Variants in GRIA4 observed in about 807,000 individuals in gnomAD.
GRIA4 encodes the protein glutamate ionotropic receptor AMPA type subunit 4.
In GRIA4, 34 loss-of-function variants were observed where a neutral mutation model predicts 104.0. The observed-to-expected ratio is 0.33, with a 90% CI of 0.25 to 0.44. The LOEUF is 0.44. Among genes scored for constraint, GRIA4 ranks in the 20% least tolerant of loss-of-function variants. The probability of loss-of-function intolerance (pLI) is 1.00; values close to 1 mark genes in which losing one functional copy is unlikely to be tolerated. For synonymous variants in GRIA4, 386 were observed against 381.9 expected (o/e 1.01, Z -0.13); for missense variants, 750 against 1,096.5 (o/e 0.68, Z 4.46).
intron 6 of GRIA4, 43 bp from the exon 7 acceptor site, chr11:105,898,226 A>G (rs1946725659): frequency 9.8e-7 from 1 of 1,024,612 alleles, no homozygotes; most frequent in Non-Finnish European, 1.5e-6. Context: ...GCTGCCATGT[A>G]TAATAAACTA....
intron 14 of GRIA4, among the ~76,000 whole-genome samples, chr11:105,936,069 T>C (rs1177564378): frequency 6.6e-6 from 1 of 152,140 alleles, no homozygotes; most frequent in African/African-American, 2.4e-5. Flanking sequence ...GTCCTGCCTT[T>C]GAGAACACTG....
At chr11:105,684,358 C>A (rs1224281265) in intron 3 of GRIA4, among the ~76,000 whole-genome samples, 1 of 151,874 alleles carries the variant, frequency 6.6e-6, no homozygotes, top group Non-Finnish European at 1.5e-5. Flanking sequence ...GTATCAGTAA[C>A]AACTATATGT....
rs546283960 is a variant in GRIA4 at position 105,786,124 on chromosome 11, G to A, written c.487+32904G>A. Reference sequence around the variant, plus strand: ...CGAGCCACTACATTCCAGCCTGGGCGACACAGTGAGACCCTTTCTCAAAAA... The same window carrying A: ...CGAGCCACTACATTCCAGCCTGGGCAACACAGTGAGACCCTTTCTCAAAAA... On this transcript the variant is annotated intron_variant, in intron 4 of 16. Coordinates refer to ENST00000282499, the MANE Select transcript of GRIA4 (RefSeq NM_000829.4). Among the ~76,000 whole-genome samples, 49 of 118,892 alleles carry A rather than the reference G, an allele frequency of 4.1e-4. No individual in the cohort carries two copies. The South Asian group carries it at 0.011, about 26-fold the overall frequency. The allele number at this position is 118,892 out of a possible 152,430, so 78.0% of individuals were successfully genotyped here.
chr11:105,815,492 C>A (rs1943338734), intron 4 of GRIA4, among the ~76,000 whole-genome samples: 1 of 152,170 alleles, frequency 6.6e-6, no homozygotes, highest in Admixed American at 6.6e-5. Flanking sequence ...TGTCCTCTCA[C>A]CTGACACCCG....
At chr11:105,971,741 C>T (rs973434493) in intron 14 of GRIA4, among the ~76,000 whole-genome samples, 173 bp from the exon 15 acceptor site, 39 of 152,110 alleles carry the variant, frequency 2.6e-4, no homozygotes, top group Admixed American at 2.4e-3. Flanking sequence ...TTACCTAAAG[C>T]GATGGAGCAG....
intron 6 of GRIA4, among the ~76,000 whole-genome samples, chr11:105,893,297 G>A (rs1240176698): frequency 6.6e-6 from 1 of 151,788 alleles, no homozygotes; most frequent in Non-Finnish European, 1.5e-5. Context: ...TGTATTCTTT[G>A]GATAAAAATT....
In GRIA4 at chr11:105,611,235, A is replaced by G. The variant is rs866005406; in HGVS notation, c.88+150A>G. 5.6e-5 allele frequency: 38 copies of G among 674,410 alleles called. No homozygotes were observed. In the Middle Eastern group the frequency reaches 1.5e-3, roughly 27 times the overall value. The allele number at this position is 674,410 out of a possible 1,614,324, so 41.8% of individuals were successfully genotyped here. On this transcript the variant is annotated intron_variant, in intron 2 of 16. Transcript: ENST00000282499. ...TCCTCTTCCTTTCTCTCCTTTGCAA[A>G]AAGACTTCCTCTTTAGTGCAGGTTC...
chr11:105,900,561 C>A (rs1946817152), intron 7 of GRIA4, among the ~76,000 whole-genome samples: 1 of 152,108 alleles, frequency 6.6e-6, no homozygotes, highest in African/African-American at 2.4e-5. Flanking sequence ...TCTATGAAAT[C>A]TTTTCTTTTT....
chr11:105,757,285 C>T (rs142366889), intron 4 of GRIA4, among the ~76,000 whole-genome samples: 78 of 152,148 alleles, frequency 5.1e-4, no homozygotes, highest in African/African-American at 1.8e-3. Flanking sequence ...CAAAGGGAGG[C>T]GTGTGCCTAT....
chr11:105,816,026 C>T (rs1005373514), intron 4 of GRIA4, among the ~76,000 whole-genome samples: 2 of 152,054 alleles, frequency 1.3e-5, no homozygotes, highest in African/African-American at 4.8e-5. Flanking sequence ...TCTGCATGCA[C>T]GTGAGATAGC....
At chr11:105,634,529 A>AAAGAAAGAAAGAAAGAAAAG (rs1565420297) in intron 3 of GRIA4, among the ~76,000 whole-genome samples, 1 of 90,182 alleles carries the variant, frequency 1.1e-5, no homozygotes, top group Non-Finnish European at 2.6e-5. Flanking sequence ...AGAAAGAAAG[A>AAAGAAAGAAAGAAAGAAAAG]AAAGAAAGAA....
chr11:105,752,886 T>C, intron 3 of GRIA4, 95 bp from the exon 4 acceptor site: 1 of 1,145,944 alleles, frequency 8.7e-7, no homozygotes, highest in Non-Finnish European at 1.3e-6. Context: ...AATGATTCAG[T>C]GATTTTTATT....
intron 16 of GRIA4, among the ~76,000 whole-genome samples, chr11:105,975,086 C>T (rs1473706729): frequency 6.6e-6 from 1 of 152,158 alleles, no homozygotes; most frequent in East Asian, 1.9e-4. Context: ...CATTAGCCAT[C>T]ATTCTACATT....
At position 105,738,936 on chromosome 11, in the gene GRIA4, A is replaced by C. The variant is rs530556749; in HGVS notation, c.248-14045A>C. Reference sequence around the variant, plus strand: ...GTTGACAAGTAAAAAAAAACAAAAAAAAAAAAAACAAAAAAAACCCAAAAA... The same window carrying C: ...GTTGACAAGTAAAAAAAAACAAAAACAAAAAAAACAAAAAAAACCCAAAAA... On this transcript the variant is annotated intron_variant, in intron 3 of 16. Transcript: ENST00000282499. 6.7e-4 allele frequency among the ~76,000 whole-genome samples: 76 copies of C among 112,986 alleles called. 1 individual carries two copies. The highest frequency in any genetic ancestry group is 1.8e-3 in the Admixed American group (17 of 9,438). 74.1% of individuals were successfully genotyped at this position (112,986 alleles called of 152,430 possible).
At chr11:105,785,195 C>A (rs993523335) in intron 4 of GRIA4, among the ~76,000 whole-genome samples, 1 of 152,084 alleles carries the variant, frequency 6.6e-6, no homozygotes, top group Non-Finnish European at 1.5e-5. Context: ...ATAAACTAGT[C>A]TCTCTGAACT....
At chr11:105,665,356 C>A (rs1952133814) in intron 3 of GRIA4, among the ~76,000 whole-genome samples, 3 of 151,900 alleles carry the variant, frequency 2.0e-5, no homozygotes, top group African/African-American at 7.3e-5. Flanking sequence ...AGAAACTGAG[C>A]CCCTGAAAGT....
intron 13 of GRIA4, among the ~76,000 whole-genome samples, chr11:105,930,793 T>G (rs17104739): frequency 0.011 from 1,708 of 152,252 alleles, 31 homozygotes; most frequent in African/African-American, 0.038. Flanking sequence ...TCTTAATAAA[T>G]TCCATAAAAT....
chr11:105,713,280 C>T (rs1482903378), intron 3 of GRIA4, among the ~76,000 whole-genome samples: 3 of 151,794 alleles, frequency 2.0e-5, no homozygotes, highest in Middle Eastern at 3.4e-3. Context: ...CTACGTAGGA[C>T]GCTGAGGCAG....
At chr11:105,710,144 A>G (rs2135546380) in intron 3 of GRIA4, among the ~76,000 whole-genome samples, 1 of 152,174 alleles carries the variant, frequency 6.6e-6, no homozygotes, top group East Asian at 1.9e-4. Context: ...TTATATCCAC[A>G]GAGAAACTAG....
Sources: allele counts gnomAD v4.1 joint callset (sites outside exome capture counted in the v4.1 genomes callset), GRCh38; gene constraint gnomAD v4.1.1; transcripts MANE v1.5; gene names NCBI Gene and HGNC (gene_info 2026-07-23, HGNC 2026-07-21).